The following PTPRD variants were observed in gnomAD, a reference collection of about 807,000 sequenced individuals.
PTPRD encodes protein tyrosine phosphatase receptor type D.
PTPRD carries 34 observed loss-of-function variants against 214.5 expected under a neutral mutation model. That is an observed-to-expected ratio of 0.16 (90% confidence interval 0.12 to 0.21). The LOEUF is 0.21. Ranked by LOEUF, PTPRD falls within the 10% of genes least tolerant of loss-of-function variation. The pLI is 1.00. For synonymous variants in PTPRD, 1,128 were observed against 845.7 expected (o/e 1.33, Z -5.79); for missense variants, 2,545 against 2,398.7 (o/e 1.06, Z -1.27).
intron 14 of PTPRD, among the ~76,000 whole-genome samples, chr9:8,531,036 C>G (rs12340211): frequency 0.15 from 22,462 of 151,958 alleles, 1,998 homozygotes; most frequent in East Asian, 0.28. Flanking sequence ...GGGTACTAAA[C>G]ACACTTATAA....
intron 10 of PTPRD, among the ~76,000 whole-genome samples, chr9:9,169,917 G>C (rs1346698740): frequency 6.6e-6 from 1 of 152,120 alleles, no homozygotes; most frequent in Non-Finnish European, 1.5e-5. Context: ...GAAAAGTCCT[G>C]TCCTGTCCTG....
intron 6 of PTPRD, among the ~76,000 whole-genome samples, chr9:9,763,208 A>C (rs1266183110): frequency 1.3e-5 from 2 of 152,210 alleles, no homozygotes; most frequent in Non-Finnish European, 2.9e-5. Context: ...AAACACATCA[A>C]AGTTTCAAGA....
intron 9 of PTPRD, among the ~76,000 whole-genome samples, chr9:9,374,559 G>T (rs2060300087): frequency 6.6e-6 from 1 of 152,152 alleles, no homozygotes; most frequent in Non-Finnish European, 1.5e-5. Context: ...GTAAAGTAAA[G>T]GGAAATAATG....
intron 2 of PTPRD, among the ~76,000 whole-genome samples, chr9:10,402,809 A>G (rs1348978830): frequency 6.6e-6 from 1 of 151,632 alleles, no homozygotes; most frequent in African/African-American, 2.4e-5. Flanking sequence ...CTAATGTGGG[A>G]AAAATACCAA....
At chr9:8,326,295 G>T (rs1183950921) in intron 44 of PTPRD, among the ~76,000 whole-genome samples, 2 of 152,138 alleles carry the variant, frequency 1.3e-5, no homozygotes, top group Admixed American at 6.5e-5. Flanking sequence ...CATGAATTTT[G>T]CCAAAGGCCT....
At chr9:9,307,032 C>G (rs915080143) in intron 9 of PTPRD, among the ~76,000 whole-genome samples, 6 of 152,258 alleles carry the variant, frequency 3.9e-5, no homozygotes, top group East Asian at 3.9e-4. Flanking sequence ...AACATTTGTT[C>G]AGCAATTACA....
chr9:9,874,320 GC>G (rs1253446214), intron 5 of PTPRD, among the ~76,000 whole-genome samples: 1 of 152,004 alleles, frequency 6.6e-6, no homozygotes, highest in Non-Finnish European at 1.5e-5. Flanking sequence ...ATAATCCCTA[GC>G]CATAACCTCC....
chr9:10,135,943 TA>T (rs3075566), intron 3 of PTPRD, among the ~76,000 whole-genome samples: 18,153 of 141,718 alleles, frequency 0.13, 1,443 homozygotes, highest in African/African-American at 0.23. Context: ...TAAGTTGAAT[TA>T]AAAAAAAAAA....
At chr9:9,746,624 G>A (rs538569796) in intron 6 of PTPRD, among the ~76,000 whole-genome samples, 7 of 152,246 alleles carry the variant, frequency 4.6e-5, no homozygotes, top group African/African-American at 1.7e-4. Flanking sequence ...GTGTTGCTTA[G>A]CCATTAGGGA....
intron 10 of PTPRD, among the ~76,000 whole-genome samples, chr9:9,057,300 T>G (rs911568862): frequency 6.6e-6 from 1 of 152,186 alleles, no homozygotes; most frequent in African/African-American, 2.4e-5. Flanking sequence ...TGATATATTT[T>G]TTTTCTAAGA....
chr9:8,666,656 TC>T (rs2097176256), intron 12 of PTPRD, among the ~76,000 whole-genome samples: 1 of 152,202 alleles, frequency 6.6e-6, no homozygotes, highest in African/African-American at 2.4e-5. Context: ...TCTGCAAACT[TC>T]TAGGTGACTC....
chr9:9,042,614 C>CTT lies in PTPRD; in HGVS notation c.-142-23881_-142-23880dup, dbSNP rs775574124. 3.1e-4 allele frequency among the ~76,000 whole-genome samples: 35 copies of CTT among 112,438 alleles called. 1 individual carries two copies. Among genetic ancestry groups the CTT allele is most frequent in the Admixed American group, 1.3e-3 (14 of 11,102 alleles). The allele number at this position is 112,438 out of a possible 152,430, so 73.8% of individuals were successfully genotyped here. A position where few individuals can be genotyped will look rare whatever the true frequency, so the allele number is the denominator to read the frequency against. On this transcript the variant is annotated intron_variant, in intron 10 of 45. Transcript: ENST00000381196. ...CCACTTAGCATTTTTTCTTTTTTTT[C>CTT]TTTTCTTTTTTTTTTTTTTTGGTCT...
chr9:9,393,091 T>C (rs2140991753), intron 9 of PTPRD, among the ~76,000 whole-genome samples: 1 of 152,248 alleles, frequency 6.6e-6, no homozygotes, highest in African/African-American at 2.4e-5. Context: ...TTTTACCCAA[T>C]AAATTGTTAT....
chr9:9,613,599 G>A (rs2094669019), intron 7 of PTPRD, among the ~76,000 whole-genome samples: 1 of 152,070 alleles, frequency 6.6e-6, no homozygotes, highest in Admixed American at 6.6e-5. Flanking sequence ...CTATTAAGTT[G>A]AACAGCTGAA....
intron 14 of PTPRD, among the ~76,000 whole-genome samples, chr9:8,589,481 G>A (rs2093933935): frequency 6.6e-6 from 1 of 152,124 alleles, no homozygotes; most frequent in African/African-American, 2.4e-5. Context: ...AGAAAACATG[G>A]AAGAAAAAAT....
At chr9:9,546,385 C>G (rs781672297) in intron 8 of PTPRD, among the ~76,000 whole-genome samples, 1 of 151,456 alleles carries the variant, frequency 6.6e-6, no homozygotes, top group Non-Finnish European at 1.5e-5. Flanking sequence ...AATTAAATAC[C>G]AGATGTTTCT....
intron 10 of PTPRD, among the ~76,000 whole-genome samples, chr9:9,127,473 T>A (rs1429129775): frequency 6.6e-6 from 1 of 152,166 alleles, no homozygotes; most frequent in Non-Finnish European, 1.5e-5. Context: ...GACTTGCAGA[T>A]AATTTAGACA....
At chr9:9,103,113 T>G (rs191821202) in intron 10 of PTPRD, among the ~76,000 whole-genome samples, 7 of 152,346 alleles carry the variant, frequency 4.6e-5, no homozygotes, top group Admixed American at 4.6e-4. Flanking sequence ...CTAGCTCTTT[T>G]GTACTTGTCT....
In PTPRD at chr9:8,314,638, A is replaced by T. The variant is rs1233681052; in HGVS notation, c.*3236T>A. The T allele has an allele frequency of 1.7e-5, 4 of 232,062 alleles. No homozygotes were observed. Among genetic ancestry groups the T allele is most frequent in the African/African-American group, 6.6e-5 (3 of 45,270 alleles). 14.4% of individuals were successfully genotyped at this position (232,062 alleles called of 1,614,324 possible). ...ACCCAAAAGGAACCAAAACCCAAAA[A>T]GAAAAACAAAAAGGGAATTAAAAAT... On this transcript the variant is annotated 3_prime_UTR_variant, in exon 46 of 46. Transcript: ENST00000381196.
Sources: allele counts gnomAD v4.1 joint callset (sites outside exome capture counted in the v4.1 genomes callset), GRCh38; gene constraint gnomAD v4.1.1; transcripts MANE v1.5; gene names NCBI Gene and HGNC (gene_info 2026-07-23, HGNC 2026-07-21).